The following THEMIS variants were observed in gnomAD, a reference collection of about 807,000 sequenced individuals.
THEMIS encodes the protein protein THEMIS.
Under a neutral mutation model 52.6 loss-of-function variants are expected in THEMIS, and 37 were observed. The ratio of observed to expected loss-of-function variants is 0.70; its 90% CI spans 0.54 to 0.93. The LOEUF (loss-of-function observed/expected upper bound fraction) is 0.93, where lower values mean the gene tolerates loss of function less well. Ranked by LOEUF, THEMIS falls within the 40% of genes least tolerant of loss-of-function variation. The pLI, the probability that THEMIS is intolerant of heterozygous loss-of-function variation, is 0.00. For missense variants in THEMIS, 808 were observed against 763.1 expected, an observed-to-expected ratio of 1.06 and a Z score of -0.69; for synonymous variants, 292 against 272.7, an observed-to-expected ratio of 1.07 and a Z score of -0.70.
intron 2 of THEMIS, among the ~76,000 whole-genome samples, chr6:127,849,723 C>T (rs1227903941): frequency 2.0e-5 from 3 of 151,918 alleles, no homozygotes; most frequent in African/African-American, 7.2e-5. Flanking sequence ...CCCCATTTCT[C>T]ATGTTATACA....
intron 4 of THEMIS, among the ~76,000 whole-genome samples, chr6:127,791,220 A>G (rs540390032): frequency 6.6e-6 from 1 of 152,244 alleles, no homozygotes; most frequent in African/African-American, 2.4e-5. Flanking sequence ...TACTTTATTG[A>G]GCAACAGAAC....
intron 1 of THEMIS, among the ~76,000 whole-genome samples, chr6:127,856,585 C>T (rs1433254439): frequency 6.6e-6 from 1 of 151,974 alleles, no homozygotes; most frequent in East Asian, 1.9e-4. Flanking sequence ...ACCCACATTA[C>T]TGTCCTTATC....
chr6:127,818,849 G>A (rs1332422248), intron 3 of THEMIS, among the ~76,000 whole-genome samples: 2 of 152,048 alleles, frequency 1.3e-5, no homozygotes, highest in African/African-American at 2.4e-5. Flanking sequence ...ACCAGGTGCG[G>A]TGGCTCACGC....
At chr6:127,766,441 C>G (rs1776202126) in intron 4 of THEMIS, among the ~76,000 whole-genome samples, 1 of 152,058 alleles carries the variant, frequency 6.6e-6, no homozygotes, top group African/African-American at 2.4e-5. Flanking sequence ...TCAGAGTTAG[C>G]CTCCTTTGTA....
At chr6:127,864,741 C>T (rs978761687) in intron 1 of THEMIS, among the ~76,000 whole-genome samples, 4 of 152,106 alleles carry the variant, frequency 2.6e-5, no homozygotes, top group Non-Finnish European at 5.9e-5. Flanking sequence ...TCCATCAACA[C>T]TTACCTGAAC....
At chr6:127,895,590 C>G (rs1000153243) in intron 1 of THEMIS, among the ~76,000 whole-genome samples, 1 of 151,352 alleles carries the variant, frequency 6.6e-6, no homozygotes, top group Admixed American at 6.6e-5. Context: ...GCCTAGGATA[C>G]ATAAGAACTC....
intron 2 of THEMIS, among the ~76,000 whole-genome samples, chr6:127,836,844 T>A (rs1354124344): frequency 6.6e-6 from 1 of 152,080 alleles, no homozygotes; most frequent in Non-Finnish European, 1.5e-5. Flanking sequence ...CTGACGGTCC[T>A]CTCTGGAAGC....
At chr6:127,876,526 T>C (rs985461171) in intron 1 of THEMIS, among the ~76,000 whole-genome samples, 9 of 152,196 alleles carry the variant, frequency 5.9e-5, no homozygotes, top group Non-Finnish European at 1.5e-5. Context: ...AAATACAGAT[T>C]CTTGGGTTAT....
chr6:127,833,055 A>T (rs2114671432), intron 2 of THEMIS, among the ~76,000 whole-genome samples: 1 of 152,108 alleles, frequency 6.6e-6, no homozygotes, highest in South Asian at 2.1e-4. Flanking sequence ...AAGTGCTGGG[A>T]TTACAGGTGT....
At chr6:127,883,294 C>A (rs1780542698) in intron 1 of THEMIS, among the ~76,000 whole-genome samples, 1 of 151,414 alleles carries the variant, frequency 6.6e-6, no homozygotes, top group African/African-American at 2.4e-5. Context: ...AAGTTTTATC[C>A]CTATAGCAGA....
chr6:127,722,275 G>A (rs754920520), intron 4 of THEMIS, among the ~76,000 whole-genome samples: 6 of 151,850 alleles, frequency 4.0e-5, no homozygotes, highest in Admixed American at 1.3e-4. Flanking sequence ...GTAAAGGGAG[G>A]TAGGTGTCTC....
At position 127,791,217 on chromosome 6, in the gene THEMIS, T is replaced by C. The variant is rs572986605; in HGVS notation, c.1758+21666A>G. Among the ~76,000 whole-genome samples the C allele has an allele frequency of 2.6e-5, 4 of 152,268 alleles. No individual in the cohort carries two copies. The South Asian group carries it at 6.2e-4, about 24-fold the overall frequency. ...GTGAGCAAGGTGAAGAGGTACTTTA[T>C]TGAGCAACAGAACAGCTCAGAGGAG... On this transcript the variant is annotated intron_variant, in intron 4 of 5. Coordinates refer to ENST00000368248, the MANE Select transcript of THEMIS (RefSeq NM_001010923.3).
chr6:127,906,705 C>T (rs960218958), intron 1 of THEMIS, among the ~76,000 whole-genome samples: 1 of 151,908 alleles, frequency 6.6e-6, no homozygotes, highest in African/African-American at 2.4e-5. Flanking sequence ...ACCAGTCTTG[C>T]TACTACTTAA....
chr6:127,698,858 A>G, the THEMIS span, among the ~76,000 whole-genome samples: 5 of 152,094 alleles, frequency 3.3e-5, no homozygotes, highest in Admixed American at 2.0e-4. Context: ...ATCACACCAG[A>G]TAATTTAAAA....
At chr6:127,719,665 C>T in intron 5 of THEMIS, 23 bp downstream of exon 5, 1 of 1,573,246 alleles carries the variant, frequency 6.4e-7, no homozygotes, top group South Asian at 1.2e-5. Flanking sequence ...CGTGGTTTAA[C>T]TGACCTATAG....
rs148432956 is a variant in THEMIS at position 127,907,044 on chromosome 6, T to G, written c.-149-5963A>C. Among the ~76,000 whole-genome samples, 63 of 152,048 alleles carry G rather than the reference T, an allele frequency of 4.1e-4. No individual in the cohort carries two copies. In the East Asian group the frequency reaches 0.012, roughly 28 times the overall value. ...ATTTCAGTGCAATGTAATATTTCTT[T>G]GAGTAAAGAATAAACCCTTATCTCC... On this transcript the variant is annotated intron_variant, in intron 1 of 6. Coordinates refer to the THEMIS transcript ENST00000368250.
chr6:127,808,722 C>T (rs1302122462), intron 4 of THEMIS, among the ~76,000 whole-genome samples: 1 of 152,112 alleles, frequency 6.6e-6, no homozygotes, highest in Non-Finnish European at 1.5e-5. Flanking sequence ...GTGTCCCTGC[C>T]CAAACTGAAA....
intron 3 of THEMIS, among the ~76,000 whole-genome samples, chr6:127,828,996 G>A (rs1778602483): frequency 6.6e-6 from 1 of 152,166 alleles, no homozygotes; most frequent in Non-Finnish European, 1.5e-5. Flanking sequence ...GGGGCTCTGG[G>A]TTAGTAGAGA....
At chr6:127,852,224 G>C (rs1391761645) in intron 2 of THEMIS, among the ~76,000 whole-genome samples, 1 of 151,484 alleles carries the variant, frequency 6.6e-6, no homozygotes, top group Admixed American at 6.6e-5. Context: ...CCTACCATCA[G>C]AGCCTGCAAA....
Sources: allele counts gnomAD v4.1 joint callset (sites outside exome capture counted in the v4.1 genomes callset), GRCh38; gene constraint gnomAD v4.1.1; transcripts MANE v1.5; gene names NCBI Gene and HGNC (gene_info 2026-07-23, HGNC 2026-07-21).